Variants in CAST observed in about 807,000 individuals in gnomAD.
CAST encodes calpastatin.
A neutral mutation model predicts 119.6 loss-of-function variants in CAST; 76 were observed. That is an observed-to-expected ratio of 0.64 (90% CI 0.53 to 0.77). The LOEUF (loss-of-function observed/expected upper bound fraction) is 0.77, where lower values mean the gene tolerates loss of function less well. Ranked by LOEUF, CAST falls within the 30% of genes least tolerant of loss-of-function variation. The pLI, the probability that CAST is intolerant of heterozygous loss-of-function variation, is 0.00. For missense variants in CAST, 953 were observed against 946.5 expected, an observed-to-expected ratio of 1.01 and a Z score of -0.09; for synonymous variants, 319 against 331.6, an observed-to-expected ratio of 0.96 and a Z score of 0.41.
intron 1 of CAST, among the ~76,000 whole-genome samples, chr5:96,586,761 C>T (rs1746868679): frequency 6.6e-6 from 1 of 152,192 alleles, no homozygotes; most frequent in African/African-American, 2.4e-5. Context: ...AAATTACATA[C>T]CTACCATGAG....
At chr5:96,462,139 G>C in the CAST span, among the ~76,000 whole-genome samples, 14 of 152,156 alleles carry the variant, frequency 9.2e-5, no homozygotes, top group South Asian at 8.3e-4. Context: ...TATATCTGCT[G>C]TTTGCTTACC....
chr5:96,313,729 C>A, the CAST span, among the ~76,000 whole-genome samples: 1 of 152,084 alleles, frequency 6.6e-6, no homozygotes, highest in South Asian at 2.1e-4. Flanking sequence ...ATCCCACCAG[C>A]AATATATAAA....
At chr5:96,254,813 T>TA in the CAST span, among the ~76,000 whole-genome samples, 5 of 152,260 alleles carry the variant, frequency 3.3e-5, no homozygotes, top group Admixed American at 2.0e-4. Context: ...TTGAGGGTTT[T>TA]AAAAAAATTT....
chr5:96,625,828 T>G (rs1266993987), intron 1 of CAST, among the ~76,000 whole-genome samples: 1 of 152,208 alleles, frequency 6.6e-6, no homozygotes. Flanking sequence ...GTCTGCTGCC[T>G]GTCACCGGCT....
At chr5:96,763,016 A>G in intron 25 of CAST, 2 of 683,414 alleles carry the variant, frequency 2.9e-6, no homozygotes, top group South Asian at 1.6e-5. Flanking sequence ...TACCAAGGAG[A>G]CCACAGCACA....
the CAST span, among the ~76,000 whole-genome samples, chr5:96,193,758 CA>C: frequency 6.6e-6 from 1 of 152,038 alleles, no homozygotes; most frequent in East Asian, 1.9e-4. Context: ...GTCCAAACAT[CA>C]AAATAACATC....
chr5:96,316,397 G>C, the CAST span, among the ~76,000 whole-genome samples: 1 of 152,152 alleles, frequency 6.6e-6, no homozygotes, highest in African/African-American at 2.4e-5. Context: ...GATGCCAGGA[G>C]ATGTTCTGTA....
chr5:96,485,573 G>A, the CAST span, among the ~76,000 whole-genome samples: 1 of 152,126 alleles, frequency 6.6e-6, no homozygotes, highest in Non-Finnish European at 1.5e-5. Context: ...GGAGAGAAGA[G>A]ACACCCAAAT....
chr5:96,632,052 T>C (rs1747826891), intron 1 of CAST, among the ~76,000 whole-genome samples: 1 of 148,858 alleles, frequency 6.7e-6, no homozygotes, highest in Non-Finnish European at 1.5e-5. Flanking sequence ...TTATTATAGC[T>C]ATCCTAGTGG....
At chr5:96,060,890 A>C in the CAST span, among the ~76,000 whole-genome samples, 1 of 152,138 alleles carries the variant, frequency 6.6e-6, no homozygotes, top group Non-Finnish European at 1.5e-5. Context: ...AAGGTCTAGC[A>C]GGGTGGATTT....
chr5:96,662,080 A>G, upstream of CAST: 1 of 238,296 alleles, frequency 4.2e-6, no homozygotes. Context: ...AGATCTGGGC[A>G]TCGAAGGAGG....
At chr5:96,553,659 C>A (rs956507700) in intron 1 of CAST, among the ~76,000 whole-genome samples, 1 of 152,152 alleles carries the variant, frequency 6.6e-6, no homozygotes, top group South Asian at 2.1e-4. Context: ...AAAACCCCAT[C>A]GTCTCAGCCC....
the CAST span, among the ~76,000 whole-genome samples, chr5:96,212,683 A>T: frequency 3.3e-5 from 5 of 152,296 alleles, no homozygotes; most frequent in Non-Finnish European, 7.4e-5. Context: ...GGGCTATTGA[A>T]GTTTACAACT....
chr5:96,653,186 A>C (rs1448281517), intron 1 of CAST, among the ~76,000 whole-genome samples: 1 of 152,222 alleles, frequency 6.6e-6, no homozygotes, highest in African/African-American at 2.4e-5. Context: ...CCTCACAGGG[A>C]GTCTCTGTGT....
chr5:96,501,774 G>A, the CAST span, among the ~76,000 whole-genome samples: 2 of 152,240 alleles, frequency 1.3e-5, no homozygotes, highest in African/African-American at 4.8e-5. Flanking sequence ...TAACAGTTCA[G>A]TCAAGGACAG....
At chr5:96,657,046 C>T (rs1168534056) in intron 1 of CAST, among the ~76,000 whole-genome samples, 1 of 151,544 alleles carries the variant, frequency 6.6e-6, no homozygotes, top group African/African-American at 2.4e-5. Context: ...GGGAAAGAAA[C>T]AAAAATGAAA....
At chr5:96,183,114 C>A in the CAST span, among the ~76,000 whole-genome samples, 2 of 150,036 alleles carry the variant, frequency 1.3e-5, no homozygotes, top group Non-Finnish European at 3.0e-5. Context: ...GCACTCCAGC[C>A]TGGGTGACAG....
At chr5:96,460,798 T>G in the CAST span, among the ~76,000 whole-genome samples, 1 of 152,166 alleles carries the variant, frequency 6.6e-6, no homozygotes, top group Non-Finnish European at 1.5e-5. Flanking sequence ...TGTGAACATA[T>G]TAAACATAGT....
the CAST span, among the ~76,000 whole-genome samples, chr5:96,374,943 G>T: frequency 1.3e-5 from 2 of 152,172 alleles, no homozygotes; most frequent in Non-Finnish European, 2.9e-5. Flanking sequence ...TTTCCCCACA[G>T]GTAGAAGATG....
Sources: allele counts gnomAD v4.1 joint callset (sites outside exome capture counted in the v4.1 genomes callset), GRCh38; gene constraint gnomAD v4.1.1; transcripts MANE v1.5; gene names NCBI Gene and HGNC (gene_info 2026-07-23, HGNC 2026-07-21).